ZCCHC24: variants seen among roughly 807,000 people sequenced by gnomAD.
The protein encoded by ZCCHC24 is zinc finger CCHC domain-containing protein 24.
Under a neutral mutation model 26.2 loss-of-function variants are expected in ZCCHC24, and 10 were observed. The observed-to-expected ratio is 0.38, with a 90% CI of 0.24 to 0.65. The LOEUF (loss-of-function observed/expected upper bound fraction) is 0.65. ZCCHC24 is among the 30% of genes least tolerant of loss of function. ZCCHC24 has a pLI of 0.54. For synonymous variants in ZCCHC24, 144 were observed against 147.1 expected (o/e 0.98, Z 0.15); for missense variants, 243 against 329.1 (o/e 0.74, Z 2.03).
chr10:79,394,242 T>C, intron 3 of ZCCHC24, 34 bp downstream of exon 3: 1 of 1,602,698 alleles, frequency 6.2e-7, no homozygotes, highest in African/African-American at 1.3e-5. Context: ...CCTCCCGCGG[T>C]CCTTCTGAGA....
chr10:79,407,104 A>T (rs1196643417), intron 2 of ZCCHC24, among the ~76,000 whole-genome samples: 2 of 152,076 alleles, frequency 1.3e-5, no homozygotes, highest in African/African-American at 4.8e-5. Flanking sequence ...GGCCCCCTCT[A>T]CACCTGCTGA....
chr10:79,442,551 C>T (rs1857303742), intron 1 of ZCCHC24, among the ~76,000 whole-genome samples: 1 of 152,130 alleles, frequency 6.6e-6, no homozygotes, highest in African/African-American at 2.4e-5. Context: ...GCTCTTGGCA[C>T]AGGGGTTGGC....
intron 2 of ZCCHC24, among the ~76,000 whole-genome samples, chr10:79,425,162 C>T (rs1191103563): frequency 6.6e-6 from 1 of 152,230 alleles, no homozygotes; most frequent in Non-Finnish European, 1.5e-5. Flanking sequence ...AGCTGGCTCA[C>T]AGCAACACAT....
At chr10:79,423,232 CT>C (rs1355295478) in intron 2 of ZCCHC24, among the ~76,000 whole-genome samples, 1 of 151,954 alleles carries the variant, frequency 6.6e-6, no homozygotes, top group Non-Finnish European at 1.5e-5. Flanking sequence ...TTTGTGGGCC[CT>C]TTTTGCATAA....
At chr10:79,386,491 G>T in intron 3 of ZCCHC24, 33 bp from the exon 4 acceptor site, 1 of 1,532,744 alleles carries the variant, frequency 6.5e-7, no homozygotes, top group Non-Finnish European at 8.9e-7. Flanking sequence ...GCCCAGGGGA[G>T]TGAGGGGAGA....
Position 79,429,550 on chromosome 10 carries a change from C to T in ZCCHC24, c.447+3008G>A, listed in dbSNP as rs187304465. On this transcript the variant is annotated intron_variant, in intron 2 of 3. Transcript: ENST00000372336. Reference sequence around the variant, plus strand: ...GAGCCAAGATGATGCCACTGCACTCCAGCCTGGGCAACAGAGCTAGACTCT... The same window carrying T: ...GAGCCAAGATGATGCCACTGCACTCTAGCCTGGGCAACAGAGCTAGACTCT... 2.1e-3 allele frequency among the ~76,000 whole-genome samples: 312 copies of T among 152,164 alleles called. 1 individual carries two copies. The highest frequency in any genetic ancestry group is 7.0e-3 in the African/African-American group (292 of 41,518).
Position 79,382,663 on chromosome 10 carries a change from A to G in ZCCHC24, c.*3682T>C, listed in dbSNP as rs1856338010. The G allele has an allele frequency of 6.5e-6, 1 of 152,734 alleles. No individual in the cohort carries two copies. The highest frequency in any genetic ancestry group is 1.5e-5 in the Non-Finnish European group (1 of 68,066). The allele number at this position is 152,734 out of a possible 1,614,324, so 9.5% of individuals were successfully genotyped here. Reference sequence around the variant, plus strand: ...TGGCCATCTCGCTGAAGGCTGGAACACCCCCATTTCAGGGTTAGTCGTTGG... The same window carrying G: ...TGGCCATCTCGCTGAAGGCTGGAACGCCCCCATTTCAGGGTTAGTCGTTGG... On this transcript the variant is annotated 3_prime_UTR_variant, in exon 4 of 4. Transcript: ENST00000372336.
intron 3 of ZCCHC24, among the ~76,000 whole-genome samples, chr10:79,388,192 A>G (rs10740498): frequency 0.43 from 65,456 of 151,964 alleles, 15,068 homozygotes; most frequent in East Asian, 0.76. Context: ...CTCACCAGAC[A>G]ACTCAATGGA....
intron 1 of ZCCHC24, among the ~76,000 whole-genome samples, chr10:79,444,828 T>C (rs920463641): frequency 7.2e-5 from 11 of 152,188 alleles, no homozygotes; most frequent in Admixed American, 3.3e-4. Context: ...GAAGGACACT[T>C]CGAAGGGGCT....
intron 2 of ZCCHC24, among the ~76,000 whole-genome samples, chr10:79,428,954 T>C (rs1857087679): frequency 6.6e-6 from 1 of 152,048 alleles, no homozygotes; most frequent in South Asian, 2.1e-4. Flanking sequence ...ATCAGAATAC[T>C]CTATAATGAG....
chr10:79,433,491 T>C (rs1857165297), intron 1 of ZCCHC24, among the ~76,000 whole-genome samples: 1 of 152,236 alleles, frequency 6.6e-6, no homozygotes. Context: ...TCCTGGTATA[T>C]ACAGCCTCTA....
chr10:79,437,420 C>T (rs1169838071), intron 1 of ZCCHC24, among the ~76,000 whole-genome samples: 1 of 152,200 alleles, frequency 6.6e-6, no homozygotes, highest in East Asian at 1.9e-4. Flanking sequence ...TTAGTCCCCT[C>T]TTACCTGGCA....
chr10:79,406,118 TG>T (rs1261331193), intron 2 of ZCCHC24, among the ~76,000 whole-genome samples: 8 of 152,216 alleles, frequency 5.3e-5, no homozygotes, highest in Non-Finnish European at 1.5e-5. Flanking sequence ...GTGCTGGGGC[TG>T]GCCACGCACA....
intron 2 of ZCCHC24, among the ~76,000 whole-genome samples, chr10:79,416,490 G>A (rs1564636663): frequency 6.6e-6 from 1 of 152,142 alleles, no homozygotes; most frequent in African/African-American, 2.4e-5. Flanking sequence ...GGGATAAGGT[G>A]GGGAGGAGGG....
rs536900935 is a variant in ZCCHC24 at position 79,406,388 on chromosome 10, A to G, written c.448-11948T>C. Reference sequence around the variant, plus strand: ...GCTCTGCAGAGGAAGAGCTGCTCTTATGTGACTTTTACAGGGGGGTCGCAG... The same window carrying G: ...GCTCTGCAGAGGAAGAGCTGCTCTTGTGTGACTTTTACAGGGGGGTCGCAG... On this transcript the variant is annotated intron_variant, in intron 2 of 3. Coordinates refer to ENST00000372336, the MANE Select transcript of ZCCHC24 (RefSeq NM_153367.4). 5.9e-5 allele frequency among the ~76,000 whole-genome samples: 9 copies of G among 152,220 alleles called. No individual in the cohort carries two copies. The East Asian group carries it at 7.7e-4, about 13-fold the overall frequency.
At position 79,386,262 on chromosome 10, in the gene ZCCHC24, C is replaced by A; in HGVS notation, c.*83G>T. 1 of 1,351,726 alleles carries A rather than the reference C, an allele frequency of 7.4e-7. No homozygotes were observed. The highest frequency in any genetic ancestry group is 1.0e-6 in the Non-Finnish European group (1 of 961,636). The allele number at this position is 1,351,726 out of a possible 1,614,324, so 83.7% of individuals were successfully genotyped here. On this transcript the variant is annotated 3_prime_UTR_variant, in exon 4 of 4. Transcript: ENST00000372336. ...CGAGGGCACCCCATGCACAGGGCGA[C>A]ACGCAGCCCCTCGGAGTAGCACAGG...
intron 2 of ZCCHC24, 22 bp downstream of exon 2, chr10:79,432,536 C>A: frequency 6.3e-7 from 1 of 1,587,988 alleles, no homozygotes; most frequent in Non-Finnish European, 8.6e-7. Flanking sequence ...CAAGAGCACC[C>A]CCTGGGCCAG....
At chr10:79,423,610 T>TATATATATATATATATATATATATATATA (rs1856985037) in intron 2 of ZCCHC24, among the ~76,000 whole-genome samples, 2 of 140,316 alleles carry the variant, frequency 1.4e-5, no homozygotes, top group African/African-American at 5.4e-5. Flanking sequence ...TATATATATA[T>TATATATATATATATATATATATATATATA]TTTCTGACTG....
At chr10:79,442,709 C>T (rs1167980460) in intron 1 of ZCCHC24, among the ~76,000 whole-genome samples, 2 of 152,220 alleles carry the variant, frequency 1.3e-5, no homozygotes, top group Admixed American at 6.5e-5. Context: ...CGACTTGCTT[C>T]CTCTCCGACC....
Sources: gnomAD v4.1 joint callset for allele counts (sites outside exome capture counted in the v4.1 genomes callset) on GRCh38, gnomAD v4.1.1 for gene constraint, MANE v1.5 for transcripts, NCBI Gene and HGNC (gene_info 2026-07-23, HGNC 2026-07-21) for gene names.